The following MKI67 variants were observed in gnomAD, a reference collection of about 807,000 sequenced individuals.
The protein encoded by MKI67 is marker of proliferation Ki-67.
In MKI67, 152 loss-of-function variants were observed where a neutral mutation model predicts 233.5. The ratio of observed to expected loss-of-function variants is 0.65; its 90% CI spans 0.57 to 0.74. The LOEUF is 0.74. Ranked by LOEUF, MKI67 falls within the 30% of genes least tolerant of loss-of-function variation. The probability of loss-of-function intolerance (pLI) is 0.00; values close to 1 mark genes in which losing one functional copy is unlikely to be tolerated. For missense variants in MKI67, 3,940 were observed against 3,885.2 expected (o/e 1.01, Z -0.37); for synonymous variants, 1,465 against 1,418.5 (o/e 1.03, Z -0.74).
At chr10:128,101,232 A>T in intron 14 of MKI67, 26 bp downstream of exon 14, 1 of 1,591,066 alleles carries the variant, frequency 6.3e-7, no homozygotes, top group Non-Finnish European at 8.6e-7. Context: ...GTGTCTTTTA[A>T]AACAGGGAAA....
In MKI67 at chr10:128,109,236, T is replaced by C. The variant is rs1408194448; in HGVS notation, c.2604A>G (p.Thr868=). ...TTCCTGACCTGTTTGCAGTGGATAC[T>C]GTTTTTGAAGGCTCTGTCTCAGTAT... is the stretch of plus-strand genomic sequence containing the variant. ...TSDTETEPSK[T]VSTANRSGRS... The change falls in exon 13 of 15, where the codon ACA becomes ACG. Residue 868 remains threonine, a synonymous_variant. Transcript: ENST00000368654. 1.2e-6 allele frequency: 2 copies of C among 1,614,194 alleles called. No homozygotes were observed. Among genetic ancestry groups the C allele is most frequent in the African/African-American group, 1.3e-5 (1 of 75,058 alleles).
At position 128,105,611 on chromosome 10, in the gene MKI67, C is replaced by A; in HGVS notation, c.6229G>T (p.Ala2077Ser). 1.2e-6 allele frequency: 2 copies of A among 1,613,950 alleles called. No individual in the cohort carries two copies. Among genetic ancestry groups the A allele is most frequent in the Non-Finnish European group, 8.5e-7 (1 of 1,179,996 alleles). The change falls in exon 13 of 15, where the codon GCC becomes TCC. Residue 2077 changes from alanine (A) to serine (S), a missense_variant. Ala to Ser is a moderately conservative substitution (Grantham distance 99, BLOSUM62 1). Coordinates refer to ENST00000368654, the MANE Select transcript of MKI67 (RefSeq NM_002417.5). Reference protein sequence around the residue: ...KEEAQSLEDLAGFKELFQTPD... With the variant: ...KEEAQSLEDLSGFKELFQTPD... Reference sequence around the variant, plus strand: ...GTCTGGAAGAGCTCTTTGAAGCCGGCCAGGTCTTCTAGTGATTGGGCCTCT... The same window carrying A: ...GTCTGGAAGAGCTCTTTGAAGCCGGACAGGTCTTCTAGTGATTGGGCCTCT...
chr10:128,120,216 C>T (rs970337638), intron 4 of MKI67, among the ~76,000 whole-genome samples: 7 of 152,238 alleles, frequency 4.6e-5, no homozygotes, highest in East Asian at 3.9e-4. Flanking sequence ...ATAGGCCGGG[C>T]GCAGTGGCTC....
rs371109997 is a variant in MKI67 at position 128,113,614 on chromosome 10, G to A, written c.1481-12C>T. 7.5e-5 allele frequency: 121 copies of A among 1,609,936 alleles called. No homozygotes were observed. The African/African-American group carries it at 1.2e-3, about 16-fold the overall frequency. ...TCCCTCACTCTCATCTAAAGTAACGGATACAAATGTGGAAAGAGCAATGAA... is the reference window on the plus strand; with the variant it reads ...TCCCTCACTCTCATCTAAAGTAACGAATACAAATGTGGAAAGAGCAATGAA... On this transcript the variant is annotated splice_polypyrimidine_tract_variant and intron_variant, in intron 7 of 14. Transcript: ENST00000368654.
intron 5 of MKI67, among the ~76,000 whole-genome samples, chr10:128,117,332 T>C (rs1411475649): frequency 3.3e-5 from 5 of 152,168 alleles, no homozygotes; most frequent in African/African-American, 9.7e-5. Flanking sequence ...ATACTTAGGG[T>C]GGATCTGAGA....
In MKI67 at chr10:128,110,399, G is replaced by A; in HGVS notation, c.2395C>T (p.Leu799Phe). The A allele has an allele frequency of 1.9e-6, 3 of 1,572,174 alleles. No homozygotes were observed. Among genetic ancestry groups the A allele is most frequent in the Non-Finnish European group, 1.7e-6 (2 of 1,148,034 alleles). ...CAACCAAAACTCTCTGAGGTGGGGA[G>A]CAGAGGTTCTTCTCCTGAATCAGTT... ...QGTDSGEEPL[L>F]PTSESFGGNV... Residue 799 changes from leucine (L) to phenylalanine (F), a missense_variant, in exon 12 of 15, where the codon CTC becomes TTC. Coordinates refer to ENST00000368654, the MANE Select transcript of MKI67 (RefSeq NM_002417.5).
Position 128,103,615 on chromosome 10 carries a change from A to G in MKI67, c.8225T>C (p.Phe2742Ser). 6.2e-7 allele frequency: 1 copy of G among 1,614,030 alleles called. No homozygotes were observed. Among genetic ancestry groups the G allele is most frequent in the Non-Finnish European group, 8.5e-7 (1 of 1,180,026 alleles). Residue 2742 changes from phenylalanine to serine, a missense_variant, in exon 13 of 15, where the codon TTC becomes TCC. Coordinates refer to ENST00000368654, the MANE Select transcript of MKI67 (RefSeq NM_002417.5). ...CGTGGTTTCCCCTGATGTTTGTGTG[A>G]ACTTGACTGCTGAAGGCTCTTCTTT... ...QVKEEPSAVK[F>S]TQTSGETTDA... is the part of the protein sequence containing the mutation.
intron 13 of MKI67, among the ~76,000 whole-genome samples, chr10:128,101,957 A>G (rs1852346447): frequency 6.6e-6 from 1 of 152,236 alleles, no homozygotes; most frequent in Non-Finnish European, 1.5e-5. Context: ...ACAATGCCTA[A>G]TAAGATATAT....
chr10:128,119,126 A>G, intron 5 of MKI67, 127 bp downstream of exon 5: 5 of 685,260 alleles, frequency 7.3e-6, no homozygotes, highest in Non-Finnish European at 1.3e-5. Flanking sequence ...TACTTTAGTT[A>G]CATTTTCCTA....
At chr10:128,099,814 G>A (rs980789142) in intron 14 of MKI67, among the ~76,000 whole-genome samples, 6 of 152,172 alleles carry the variant, frequency 3.9e-5, no homozygotes, top group East Asian at 1.9e-4. Flanking sequence ...GACACCCACC[G>A]AAGAGCTCGG....
At position 128,104,730 on chromosome 10, in the gene MKI67, C is replaced by T; in HGVS notation, c.7110G>A (p.Glu2370=). ...GTTTCCTGAGTGCTAAAAATTCTTC[C>T]TCTACGTCTGCTTTCCTGAGGTTTC... ...PKRNLRKADV[E]EEFLALRKRT... is the part of the protein sequence containing the mutation. Residue 2370 remains glutamate (E), a synonymous_variant, in exon 13 of 15, where the codon GAG becomes GAA. Transcript: ENST00000368654. 6.2e-7 allele frequency: 1 copy of T among 1,613,764 alleles called. No individual in the cohort carries two copies. Among genetic ancestry groups the T allele is most frequent in the East Asian group, 2.2e-5 (1 of 44,846 alleles).
chr10:128,123,219 A>T (rs755185755), intron 2 of MKI67, 50 bp from the exon 3 acceptor site: 14 of 1,254,172 alleles, frequency 1.1e-5, no homozygotes, highest in Middle Eastern at 3.7e-4. Flanking sequence ...TTTTTAAAAG[A>T]TTACCTCAAT....
chr10:128,115,576 C>T lies in MKI67; in HGVS notation c.832G>A (p.Asp278Asn). ...AGTTGGGTCTCCCCCTGTAAACCATCAGCACTTTCTTTCTCTGTTGCGTAA... is the reference window on the plus strand; with the variant it reads ...AGTTGGGTCTCCCCCTGTAAACCATTAGCACTTTCTTTCTCTGTTGCGTAA... ...TDYATEKESADGLQGETQLLV... is the reference protein window; with the variant it reads ...TDYATEKESANGLQGETQLLV... Residue 278 changes from aspartate to asparagine, a missense_variant, in exon 7 of 15, where the codon GAT (aspartate) becomes AAT (asparagine). Physicochemically the swap from Asp to Asn is conservative, Grantham distance 23. Coordinates refer to ENST00000368654, the MANE Select transcript of MKI67 (RefSeq NM_002417.5). 6.2e-7 allele frequency: 1 copy of T among 1,614,236 alleles called. No individual in the cohort carries two copies. The highest frequency in any genetic ancestry group is 8.5e-7 in the Non-Finnish European group (1 of 1,180,052).
chr10:128,098,644 A>C lies in MKI67; in HGVS notation c.*546T>G, dbSNP rs1361517989. ...AAACTTTATTTTCAGAAAGGAAAGGACATCAAAAATAGGACTGTCCTGTGC... is the reference window on the plus strand; with the variant it reads ...AAACTTTATTTTCAGAAAGGAAAGGCCATCAAAAATAGGACTGTCCTGTGC... On this transcript the variant is annotated 3_prime_UTR_variant, in exon 15 of 15. Coordinates refer to ENST00000368654, the MANE Select transcript of MKI67 (RefSeq NM_002417.5). The C allele has an allele frequency of 6.6e-6, 1 of 152,252 alleles. No individual in the cohort carries two copies. Among genetic ancestry groups the C allele is most frequent in the East Asian group, 1.9e-4 (1 of 5,198 alleles). The allele number at this position is 152,252 out of a possible 1,614,324, so 9.4% of individuals were successfully genotyped here.
At position 128,101,421 on chromosome 10, in the gene MKI67, A is replaced by G; in HGVS notation, c.9542T>C (p.Val3181Ala). 2.5e-6 allele frequency: 4 copies of G among 1,614,106 alleles called. No individual in the cohort carries two copies. Among genetic ancestry groups the G allele is most frequent in the Non-Finnish European group, 3.4e-6 (4 of 1,180,024 alleles). Residue 3181 changes from valine to alanine, a missense_variant, in exon 14 of 15, where the codon GTT becomes GCT. Physicochemically the swap from Val to Ala is moderately conservative, Grantham distance 64. Transcript: ENST00000368654. ...EESGGQKSAK[V>A]LMQNQKGKGE... ...TTTCCCTTTCTGATTCTGCATGAGA[A>G]CCTTCGCACTCTTCTGCCCTCCGCT... is the stretch of plus-strand genomic sequence containing the variant.
Position 128,107,816 on chromosome 10 carries a change from C to A in MKI67, c.4024G>T (p.Ala1342Ser). Residue 1342 changes from alanine (A) to serine (S), a missense_variant, in exon 13 of 15, where the codon GCT becomes TCT. By Grantham distance (99) the Ala-to-Ser change is moderately conservative. Coordinates refer to ENST00000368654, the MANE Select transcript of MKI67 (RefSeq NM_002417.5). The part of the protein sequence containing the change: ...RPQTPKEEAQ[A>S]LEDLTGFKEL... ...TTAAAGCCAGTCAGGTCTTCCAGAG[C>A]CTGGGCCTCTTCCTTAGGAGTTTGT... 1.2e-6 allele frequency: 2 copies of A among 1,613,678 alleles called. No individual in the cohort carries two copies. Among genetic ancestry groups the A allele is most frequent in the Non-Finnish European group, 1.7e-6 (2 of 1,179,978 alleles).
At position 128,123,149 on chromosome 10, in the gene MKI67, C is replaced by G; in HGVS notation, c.113G>C (p.Arg38Pro). 1.9e-6 allele frequency: 3 copies of G among 1,613,694 alleles called. No individual in the cohort carries two copies. The highest frequency in any genetic ancestry group is 2.5e-6 in the Non-Finnish European group (3 of 1,179,670). Residue 38 changes from arginine (R) to proline (P), a missense_variant, in exon 3 of 15, where the codon CGT (arginine) becomes CCT (proline). Arg to Pro is a moderately radical substitution (Grantham distance 103). Coordinates refer to ENST00000368654, the MANE Select transcript of MKI67 (RefSeq NM_002417.5). ...TTTTGACACAACAGGAAGCTGGATACGGATGTCACATTCAATACCCCTTCA... is the reference window on the plus strand; with the variant it reads ...TTTTGACACAACAGGAAGCTGGATAGGGATGTCACATTCAATACCCCTTCA... ...LFGRGIECDIRIQLPVVSKQH... is the reference protein window; with the variant it reads ...LFGRGIECDIPIQLPVVSKQH...
Position 128,106,945 on chromosome 10 carries a change from C to T in MKI67, c.4895G>A (p.Arg1632Gln), listed in dbSNP as rs771308154. The change falls in exon 13 of 15, where the codon CGG (arginine) becomes CAG (glutamine). Residue 1632 changes from arginine (R) to glutamine (Q), a missense_variant. Physicochemically the swap from Arg to Gln is conservative, Grantham distance 43 (BLOSUM62 1). Coordinates refer to ENST00000368654, the MANE Select transcript of MKI67 (RefSeq NM_002417.5). ...CACTTTCCCCAGGGATGTCTTGAGCCGTCGCTTGGAGCTTGCTGGGTTTTT... is the reference window on the plus strand; with the variant it reads ...CACTTTCCCCAGGGATGTCTTGAGCTGTCGCTTGGAGCTTGCTGGGTTTTT... The part of the protein sequence containing the change: ...PDKNPASSKR[R>Q]LKTSLGKVGV... The T allele has an allele frequency of 8.1e-6, 13 of 1,612,598 alleles. No homozygotes were observed. The highest frequency in any genetic ancestry group is 5.0e-5 in the Admixed American group (3 of 59,882).
rs138257333 is a variant in MKI67 at position 128,108,115 on chromosome 10, G to C, written c.3725C>G (p.Ala1242Gly). ...GGGTATTTTAGTGGTTTTACCAGCA[G>C]CCACTAATTCCTCGGTGTGACCAGG... is the stretch of plus-strand genomic sequence containing the variant. ...QTPGHTEELV[A>G]AGKTTKIPCD... Residue 1242 changes from alanine (A) to glycine (G), a missense_variant, in exon 13 of 15, where the codon GCT becomes GGT. Coordinates refer to ENST00000368654, the MANE Select transcript of MKI67 (RefSeq NM_002417.5). 83 of 1,612,880 alleles carry C rather than the reference G, an allele frequency of 5.1e-5. No individual in the cohort carries two copies. The African/African-American group carries it at 8.6e-4, about 17-fold the overall frequency.
Sources: gnomAD v4.1 joint callset for allele counts (sites outside exome capture counted in the v4.1 genomes callset) on GRCh38, gnomAD v4.1.1 for gene constraint, MANE v1.5 for transcripts, NCBI Gene and HGNC (gene_info 2026-07-23, HGNC 2026-07-21) for gene names.